Variants in CNTN3 observed in about 807,000 individuals in gnomAD.
The protein encoded by CNTN3 is contactin 3.
Under a neutral mutation model 119.1 loss-of-function variants are expected in CNTN3, and 60 were observed. The observed-to-expected ratio is 0.50, with a 90% CI of 0.41 to 0.62. CNTN3 has a LOEUF of 0.62. Among genes scored for constraint, CNTN3 ranks in the 20% least tolerant of loss-of-function variants. The pLI, the probability that CNTN3 is intolerant of heterozygous loss-of-function variation, is 0.00. For synonymous variants in CNTN3, 450 were observed against 438.7 expected (o/e 1.03, Z -0.32); for missense variants, 1,101 against 1,242.4 (o/e 0.89, Z 1.71).
At chr3:74,519,086 T>C (rs1319709113) in intron 2 of CNTN3, among the ~76,000 whole-genome samples, 1 of 151,898 alleles carries the variant, frequency 6.6e-6, no homozygotes, top group Non-Finnish European at 1.5e-5. Context: ...TATATGGACA[T>C]AGGCCTCCAC....
chr3:74,359,317 A>G (rs1704025252), intron 11 of CNTN3, among the ~76,000 whole-genome samples: 3 of 152,198 alleles, frequency 2.0e-5, no homozygotes, highest in African/African-American at 4.8e-5. Context: ...GTATATGTAT[A>G]TGTACAAATA....
intron 5 of CNTN3, among the ~76,000 whole-genome samples, chr3:74,415,784 T>C (rs976155818): frequency 6.6e-6 from 1 of 152,176 alleles, no homozygotes; most frequent in Non-Finnish European, 1.5e-5. Context: ...TCGGGCTACA[T>C]CTCAGCTCCT....
intron 4 of CNTN3, among the ~76,000 whole-genome samples, chr3:74,465,279 C>T (rs1194292455): frequency 6.6e-6 from 1 of 152,020 alleles, no homozygotes; most frequent in African/African-American, 2.4e-5. Context: ...AATGATCCCC[C>T]AAGGAGTATT....
intron 2 of CNTN3, among the ~76,000 whole-genome samples, chr3:74,503,866 G>A (rs1703206713): frequency 6.6e-6 from 1 of 151,950 alleles, no homozygotes; most frequent in African/African-American, 2.4e-5. Flanking sequence ...TTCCGAACAG[G>A]ACTAATAAGT....
chr3:74,546,072 T>C (rs922878758), intron 1 of CNTN3, among the ~76,000 whole-genome samples: 4 of 152,122 alleles, frequency 2.6e-5, no homozygotes, highest in African/African-American at 9.7e-5. Context: ...CTCGGCTCAC[T>C]GCAAGCTCCG....
chr3:74,514,855 C>T (rs976292703), intron 2 of CNTN3, among the ~76,000 whole-genome samples: 6 of 152,078 alleles, frequency 3.9e-5, no homozygotes, highest in African/African-American at 1.2e-4. Flanking sequence ...ACATACCTAT[C>T]TGTGGGAAAA....
At chr3:74,264,529 A>T (rs774546076) in intron 22 of CNTN3, 28 bp from the exon 23 acceptor site, 129 of 1,441,380 alleles carry the variant, frequency 8.9e-5, no homozygotes, top group Non-Finnish European at 1.2e-4. Flanking sequence ...GAGCTCATTA[A>T]TAAGGATTGT....
At chr3:74,528,884 C>A (rs1703656401) in intron 1 of CNTN3, among the ~76,000 whole-genome samples, 1 of 151,868 alleles carries the variant, frequency 6.6e-6, no homozygotes, top group South Asian at 2.1e-4. Context: ...AATGCACCAT[C>A]CCTATAATAG....
intron 1 of CNTN3, among the ~76,000 whole-genome samples, chr3:74,551,551 A>G (rs1703990258): frequency 6.6e-6 from 1 of 152,012 alleles, no homozygotes; most frequent in Admixed American, 6.6e-5. Flanking sequence ...ATTTGGACCA[A>G]TGTATCCACC....
intron 20 of CNTN3, among the ~76,000 whole-genome samples, chr3:74,273,898 T>G (rs973728113): frequency 6.6e-6 from 1 of 151,578 alleles, no homozygotes; most frequent in Non-Finnish European, 1.5e-5. Flanking sequence ...AGCTGGGAGG[T>G]GGGTAGCCTG....
chr3:74,490,103 G>C (rs1000255907), intron 3 of CNTN3, among the ~76,000 whole-genome samples: 1 of 152,178 alleles, frequency 6.6e-6, no homozygotes. Context: ...ATTGGTACCT[G>C]CCCTGAGATG....
chr3:74,475,702 A>G (rs1026921930), intron 4 of CNTN3, among the ~76,000 whole-genome samples: 7 of 152,188 alleles, frequency 4.6e-5, no homozygotes, highest in African/African-American at 1.7e-4. Flanking sequence ...TATGTAATAT[A>G]CAGTCAATTT....
rs1703980858 is a variant in CNTN3 at position 74,550,929 on chromosome 3, C to A, written c.-80-29737G>T. ...AGCACAGATGGAGGCTACAGATGGG[C>A]CCTAAAGCATGGTCTCTTCACTTAG... On this transcript the variant is annotated intron_variant, in intron 1 of 22. Transcript: ENST00000263665. Among the ~76,000 whole-genome samples, 3 of 152,154 alleles carry A rather than the reference C, an allele frequency of 2.0e-5. No individual in the cohort carries two copies. The South Asian group carries it at 6.2e-4, about 32-fold the overall frequency.
intron 4 of CNTN3, among the ~76,000 whole-genome samples, chr3:74,438,937 A>C (rs1468599656): frequency 6.6e-6 from 1 of 152,148 alleles, no homozygotes; most frequent in East Asian, 1.9e-4. Context: ...CCTTACCCTT[A>C]CTTACAAAAT....
At chr3:74,587,472 T>C (rs1424931315) in intron 1 of CNTN3, among the ~76,000 whole-genome samples, 3 of 152,040 alleles carry the variant, frequency 2.0e-5, no homozygotes, top group Non-Finnish European at 2.9e-5. Flanking sequence ...TGTGATTCCA[T>C]CAACTTGGGT....
At chr3:74,292,280 A>G (rs1702246109) in intron 19 of CNTN3, among the ~76,000 whole-genome samples, 1 of 152,220 alleles carries the variant, frequency 6.6e-6, no homozygotes, top group Non-Finnish European at 1.5e-5. Context: ...TGAGCCAGAA[A>G]CTGGCCAGGT....
intron 13 of CNTN3, among the ~76,000 whole-genome samples, chr3:74,307,539 T>C (rs1575713006): frequency 6.6e-6 from 1 of 152,320 alleles, no homozygotes; most frequent in East Asian, 1.9e-4. Flanking sequence ...ACTTTTCCCC[T>C]GTATTTTCTT....
chr3:74,491,208 T>C (rs1255422618), intron 3 of CNTN3, among the ~76,000 whole-genome samples: 1 of 152,004 alleles, frequency 6.6e-6, no homozygotes, highest in Non-Finnish European at 1.5e-5. Context: ...ATGTAAGAAA[T>C]GAATAATAAG....
intron 3 of CNTN3, among the ~76,000 whole-genome samples, chr3:74,496,671 C>T (rs1219885729): frequency 6.6e-6 from 1 of 152,036 alleles, no homozygotes; most frequent in Non-Finnish European, 1.5e-5. Context: ...GAAAATATTT[C>T]CCATTTAGAA....
Sources: allele counts gnomAD v4.1 joint callset (sites outside exome capture counted in the v4.1 genomes callset), GRCh38; gene constraint gnomAD v4.1.1; transcripts MANE v1.5; gene names NCBI Gene and HGNC (gene_info 2026-07-23, HGNC 2026-07-21).